ERBB4: variants seen among roughly 807,000 people sequenced by gnomAD.
ERBB4 encodes erb-b2 receptor tyrosine kinase 4, also known as receptor tyrosine-protein kinase erbB-4.
A neutral mutation model predicts 158.0 loss-of-function variants in ERBB4; 42 were observed. The observed-to-expected ratio is 0.27, with a 90% CI of 0.21 to 0.34. The LOEUF is 0.34. Among genes scored for constraint, ERBB4 ranks in the 10% least tolerant of loss-of-function variants. The probability of loss-of-function intolerance (pLI) is 1.00; values close to 1 mark genes in which losing one functional copy is unlikely to be tolerated. For missense variants in ERBB4, 1,333 were observed against 1,624.1 expected, an observed-to-expected ratio of 0.82 and a Z score of 3.08; for synonymous variants, 583 against 558.7, an observed-to-expected ratio of 1.04 and a Z score of -0.61.
chr2:211,819,213 A>G (rs1215068608), intron 3 of ERBB4, among the ~76,000 whole-genome samples: 1 of 152,096 alleles, frequency 6.6e-6, no homozygotes, highest in Non-Finnish European at 1.5e-5. Context: ...TAATTCAGAA[A>G]ACATTTTGTG....
intron 3 of ERBB4, among the ~76,000 whole-genome samples, chr2:211,856,598 A>G (rs1398422288): frequency 1.3e-5 from 2 of 151,922 alleles, no homozygotes; most frequent in Non-Finnish European, 2.9e-5. Context: ...CGTGTTAGCC[A>G]GGATGGTCTC....
At chr2:211,940,234 A>G (rs996481200) in intron 3 of ERBB4, among the ~76,000 whole-genome samples, 1 of 152,018 alleles carries the variant, frequency 6.6e-6, no homozygotes, top group Non-Finnish European at 1.5e-5. Flanking sequence ...GTGGGTATTG[A>G]TATATTTACT....
chr2:211,794,010 A>G (rs183455123), intron 3 of ERBB4, among the ~76,000 whole-genome samples: 6 of 152,048 alleles, frequency 3.9e-5, no homozygotes, highest in African/African-American at 1.4e-4. Context: ...TTTCAGCTCG[A>G]TGATCAGAGT....
At chr2:211,506,096 T>C (rs1451919911) in intron 20 of ERBB4, among the ~76,000 whole-genome samples, 1 of 151,808 alleles carries the variant, frequency 6.6e-6, no homozygotes, top group Non-Finnish European at 1.5e-5. Flanking sequence ...AAAAGATATA[T>C]CATGTAAGTG....
At chr2:211,510,500 G>A (rs2065859956) in intron 20 of ERBB4, among the ~76,000 whole-genome samples, 1 of 152,042 alleles carries the variant, frequency 6.6e-6, no homozygotes, top group South Asian at 2.1e-4. Context: ...ATAGTGCCAT[G>A]TGCCATTGAC....
intron 1 of ERBB4, among the ~76,000 whole-genome samples, chr2:212,282,605 G>A (rs1421110244): frequency 6.6e-6 from 1 of 151,766 alleles, no homozygotes; most frequent in African/African-American, 2.4e-5. Flanking sequence ...CAAAAATAAT[G>A]GGATATATTT....
At chr2:212,191,818 T>G (rs115212423) in intron 1 of ERBB4, among the ~76,000 whole-genome samples, 1 of 135,048 alleles carries the variant, frequency 7.4e-6, no homozygotes, top group Non-Finnish European at 1.6e-5. Context: ...ATACATGTTA[T>G]ATATGTTCTA....
intron 1 of ERBB4, among the ~76,000 whole-genome samples, chr2:212,268,296 AT>A (rs1376377117): frequency 5.9e-5 from 9 of 151,880 alleles, no homozygotes; most frequent in Non-Finnish European, 1.5e-5. Context: ...GAAATGACAG[AT>A]TTTAAGAAAA....
intron 16 of ERBB4, among the ~76,000 whole-genome samples, chr2:211,654,090 G>A (rs1467430317): frequency 2.6e-5 from 4 of 152,094 alleles, no homozygotes; most frequent in Non-Finnish European, 4.4e-5. Context: ...TTAAATTAGC[G>A]CTCTGCTTTC....
At chr2:211,781,770 T>C (rs1254202569) in intron 4 of ERBB4, among the ~76,000 whole-genome samples, 1 of 152,092 alleles carries the variant, frequency 6.6e-6, no homozygotes, top group Non-Finnish European at 1.5e-5. Flanking sequence ...CCCTATGAAG[T>C]TGATAATAAT....
At chr2:211,738,034 T>A (rs193032993) in intron 5 of ERBB4, among the ~76,000 whole-genome samples, 1 of 152,148 alleles carries the variant, frequency 6.6e-6, no homozygotes, top group East Asian at 1.9e-4. Context: ...AATCTAAGTG[T>A]TAAAATAATA....
At chr2:212,190,307 C>T (rs569141385) in intron 1 of ERBB4, among the ~76,000 whole-genome samples, 57 of 152,238 alleles carry the variant, frequency 3.7e-4, no homozygotes, top group Non-Finnish European at 7.1e-4. Context: ...GAGGCCAAGG[C>T]GGGCGGATCA....
intron 1 of ERBB4, among the ~76,000 whole-genome samples, chr2:212,251,782 C>T (rs1267373464): frequency 6.6e-6 from 1 of 151,944 alleles, no homozygotes. Context: ...GGTGGTCAGA[C>T]CATGTAGTTA....
At chr2:212,475,865 G>T (rs1322505124) in intron 1 of ERBB4, among the ~76,000 whole-genome samples, 1 of 151,822 alleles carries the variant, frequency 6.6e-6, no homozygotes, top group Non-Finnish European at 1.5e-5. Context: ...CTTCTCCCTA[G>T]TCCCTTCTTT....
At chr2:212,216,919 T>C (rs574025848) in intron 1 of ERBB4, among the ~76,000 whole-genome samples, 1 of 151,398 alleles carries the variant, frequency 6.6e-6, no homozygotes, top group Admixed American at 6.6e-5. Context: ...ATCCATTCTA[T>C]AGTTTAAAAA....
intron 1 of ERBB4, among the ~76,000 whole-genome samples, chr2:212,501,782 T>C (rs1690906021): frequency 6.6e-6 from 1 of 152,102 alleles, no homozygotes; most frequent in African/African-American, 2.4e-5. Context: ...TTGGTGATGA[T>C]AAGATGTTAT....
intron 2 of ERBB4, among the ~76,000 whole-genome samples, chr2:212,053,379 G>A (rs1272952512): frequency 2.0e-5 from 3 of 152,088 alleles, no homozygotes; most frequent in Non-Finnish European, 4.4e-5. Context: ...GTCTGATAAT[G>A]TTCCACCTGG....
At chr2:212,399,546 ATATATATATATATATATATATATAT>A (rs1560214216) in intron 1 of ERBB4, among the ~76,000 whole-genome samples, 7 of 115,758 alleles carry the variant, frequency 6.0e-5, no homozygotes, top group East Asian at 1.2e-3. Context: ...TTATATATAC[ATATATATATATATATATATATATAT>A]ATATATATAT....
chr2:212,190,535 TCA>T (rs1559698073), intron 1 of ERBB4, among the ~76,000 whole-genome samples: 1 of 23,256 alleles, frequency 4.3e-5, no homozygotes. Context: ...AGACTCCGTC[TCA>T]AAAAAAAAAA....
Sources: gnomAD v4.1 joint callset for allele counts (sites outside exome capture counted in the v4.1 genomes callset) on GRCh38, gnomAD v4.1.1 for gene constraint, MANE v1.5 for transcripts, NCBI Gene and HGNC (gene_info 2026-07-23, HGNC 2026-07-21) for gene names.